The following GPLD1 variants were observed in gnomAD, a reference collection of about 807,000 sequenced individuals.
The protein encoded by GPLD1 is glycosylphosphatidylinositol specific phospholipase D1, also known as phosphatidylinositol-glycan-specific phospholipase D.
A neutral mutation model predicts 112.6 loss-of-function variants in GPLD1; 84 were observed. The observed-to-expected ratio is 0.75, with a 90% confidence interval of 0.63 to 0.89. The LOEUF is 0.89. Ranked by LOEUF, GPLD1 falls within the 40% of genes least tolerant of loss-of-function variation. The pLI is 0.00. For synonymous variants in GPLD1, 386 were observed against 403.8 expected, an observed-to-expected ratio of 0.96 and a Z score of 0.53; for missense variants, 1,044 against 1,051.5, an observed-to-expected ratio of 0.99 and a Z score of 0.10.
At chr6:24,486,660 T>C (rs1455531857) in intron 1 of GPLD1, among the ~76,000 whole-genome samples, 2 of 151,904 alleles carry the variant, frequency 1.3e-5, no homozygotes, top group African/African-American at 2.4e-5. Flanking sequence ...CTACTAAAAA[T>C]ACAAAAAATT....
intron 24 of GPLD1, 110 bp from the exon 25 acceptor site, chr6:24,429,228 C>T: frequency 1.7e-6 from 1 of 577,134 alleles, no homozygotes; most frequent in Non-Finnish European, 3.0e-6. Context: ...GAATAAGACA[C>T]TGGCCAGATC....
Position 24,476,267 on chromosome 6 carries a change from C to T in GPLD1, c.244G>A (p.Asp82Asn), listed in dbSNP as rs2127363469. 1 of 1,541,212 alleles carries T rather than the reference C, an allele frequency of 6.5e-7. No homozygotes were observed. The highest frequency in any genetic ancestry group is 1.4e-5 in the African/African-American group (1 of 73,434). ...GTCCAGTGAGTGCTCTCAGACACAT[C>T]ATGGAATTTTCCTGACAAAACAAAA... The part of the protein sequence containing the change: ...PSICKGGKFH[D>N]VSESTHWTPF... The change falls in exon 4 of 25, where the codon GAT becomes AAT. Residue 82 changes from aspartate to asparagine, a missense_variant. By Grantham distance (23) the Asp-to-Asn change is conservative. Transcript: ENST00000230036.
At chr6:24,493,379 G>A (rs1291497526), upstream of GPLD1, among the ~76,000 whole-genome samples, 7 of 152,202 alleles carry the variant, frequency 4.6e-5, no homozygotes, top group African/African-American at 1.7e-4. Flanking sequence ...GGGAGGCTGA[G>A]GCAGGAGAAT....
rs1291427263 is a variant in GPLD1, at chr6:24,480,004, G to T, written c.154-45C>A. On this transcript the variant is annotated intron_variant, in intron 2 of 24. Coordinates refer to ENST00000230036, the MANE Select transcript of GPLD1 (RefSeq NM_001503.4). The stretch of plus-strand genomic sequence containing the variant: ...AGAGATTAAGGGGCAGGAGTCAACA[G>T]CCTGGGGAGTATAGGCCCCACCAAT... The T allele has an allele frequency of 2.5e-6, 3 of 1,223,048 alleles. 1 individual carries two copies. Among genetic ancestry groups the T allele is most frequent in the South Asian group, 2.4e-5 (2 of 83,318 alleles). The allele number at this position is 1,223,048 out of a possible 1,614,324, so 75.8% of individuals were successfully genotyped here. A position where few individuals can be genotyped will look rare whatever the true frequency, so the allele number is the denominator to read the frequency against.
At position 24,428,985 on chromosome 6, in the gene GPLD1, A is replaced by T; in HGVS notation, c.*47T>A. The T allele has an allele frequency of 7.6e-7, 1 of 1,308,492 alleles. No homozygotes were observed. The highest frequency in any genetic ancestry group is 1.2e-5 in the South Asian group (1 of 80,838). 81.1% of individuals were successfully genotyped at this position (1,308,492 alleles called of 1,614,324 possible). A position where few individuals can be genotyped will look rare whatever the true frequency, so the allele number is the denominator to read the frequency against. Reference sequence around the variant, plus strand: ...CATCAAAATGCTCACCATGGATGTGATTCAGCATGAGAGAGGTGGGCAGAG... The same window carrying T: ...CATCAAAATGCTCACCATGGATGTGTTTCAGCATGAGAGAGGTGGGCAGAG... On this transcript the variant is annotated 3_prime_UTR_variant, in exon 25 of 25. Coordinates refer to ENST00000230036, the MANE Select transcript of GPLD1 (RefSeq NM_001503.4).
chr6:24,465,210 A>G (rs924573688), intron 10 of GPLD1, among the ~76,000 whole-genome samples: 4 of 100,202 alleles, frequency 4.0e-5, no homozygotes, highest in Non-Finnish European at 7.6e-5. Flanking sequence ...AAAAAAAAAA[A>G]AAAGAAAAGA....
chr6:24,462,398 G>A (rs1340700495), intron 11 of GPLD1, among the ~76,000 whole-genome samples: 5 of 152,098 alleles, frequency 3.3e-5, no homozygotes, highest in Admixed American at 6.6e-5. Context: ...GCCTCCCAGA[G>A]TGCTAGGATT....
At chr6:24,479,030 G>A (rs927041124) in intron 3 of GPLD1, among the ~76,000 whole-genome samples, 10 of 152,086 alleles carry the variant, frequency 6.6e-5, no homozygotes, top group African/African-American at 2.4e-4. Flanking sequence ...AATCCAAAGG[G>A]CATCAGCCTA....
Position 24,472,641 on chromosome 6 carries a change from G to A in GPLD1, c.491-5C>T, listed in dbSNP as rs1397289373. 3.2e-6 allele frequency: 5 copies of A among 1,557,022 alleles called. No homozygotes were observed. Among genetic ancestry groups the A allele is most frequent in the Non-Finnish European group, 4.4e-6 (5 of 1,128,658 alleles). ...ACTGGCTCAACACATCTCCTCCTAG[G>A]GTATGAGAAAAATATTGACATTTGG... is the stretch of plus-strand genomic sequence containing the variant. On this transcript the variant is annotated splice_region_variant and splice_polypyrimidine_tract_variant and intron_variant, in intron 6 of 24. Coordinates refer to ENST00000230036, the MANE Select transcript of GPLD1 (RefSeq NM_001503.4).
chr6:24,438,704 A>G (rs932585909), intron 20 of GPLD1, among the ~76,000 whole-genome samples: 3 of 152,266 alleles, frequency 2.0e-5, no homozygotes, highest in East Asian at 1.9e-4. Context: ...CTAAGAGAAC[A>G]ATGTGCCAGC....
At chr6:24,489,175 G>A (rs1328363182) in intron 1 of GPLD1, among the ~76,000 whole-genome samples, 1 of 152,042 alleles carries the variant, frequency 6.6e-6, no homozygotes, top group Non-Finnish European at 1.5e-5. Context: ...AACACACAGG[G>A]GTCCCATGAC....
In GPLD1 at chr6:24,430,232, C is replaced by G. The variant is rs192086645; in HGVS notation, c.2437-1114G>C. Among the ~76,000 whole-genome samples, 140 of 152,346 alleles carry G rather than the reference C, an allele frequency of 9.2e-4. 1 individual carries two copies. Among genetic ancestry groups the G allele is most frequent in the African/African-American group, 3.3e-3 (138 of 41,582 alleles). On this transcript the variant is annotated intron_variant, in intron 24 of 24. Transcript: ENST00000230036. ...TGGAATTACTCATTTACTAAATTTG[C>G]CTGGCCTTCGGCTTCACTCTGTTTT...
At chr6:24,431,610 C>T (rs140725799) in intron 24 of GPLD1, among the ~76,000 whole-genome samples, 16,956 of 150,966 alleles carry the variant, frequency 0.11, 1,287 homozygotes, top group East Asian at 0.15. Context: ...TCTAGGCTCA[C>T]GGCAACCTCC....
At chr6:24,478,507 TC>T (rs955504308) in intron 3 of GPLD1, among the ~76,000 whole-genome samples, 31 of 152,282 alleles carry the variant, frequency 2.0e-4, no homozygotes, top group African/African-American at 7.0e-4. Flanking sequence ...CCTCCATTTG[TC>T]CTTCCAGACC....
chr6:24,475,727 G>A (rs6907720), intron 4 of GPLD1, among the ~76,000 whole-genome samples: 8,950 of 150,484 alleles, frequency 0.059, 830 homozygotes, highest in African/African-American at 0.2. Flanking sequence ...GCGTGGTGGC[G>A]GGCGCCTGTA....
intron 11 of GPLD1, among the ~76,000 whole-genome samples, chr6:24,460,743 T>G (rs1387782091): frequency 6.7e-6 from 1 of 148,722 alleles, no homozygotes; most frequent in East Asian, 1.9e-4. Flanking sequence ...ATACTGATTT[T>G]TTTTTTTTTT....
At chr6:24,439,278 A>T (rs2127321692) in intron 20 of GPLD1, among the ~76,000 whole-genome samples, 1 of 152,200 alleles carries the variant, frequency 6.6e-6, no homozygotes, top group East Asian at 1.9e-4. Flanking sequence ...AGAATCTCAG[A>T]GAAGTCACCC....
intron 7 of GPLD1, among the ~76,000 whole-genome samples, chr6:24,469,247 A>T (rs1384764753): frequency 8.1e-5 from 12 of 147,564 alleles, no homozygotes; most frequent in Non-Finnish European, 1.6e-4. Flanking sequence ...AGAACTAGAA[A>T]TACCATTTGA....
intron 7 of GPLD1, among the ~76,000 whole-genome samples, chr6:24,469,857 G>A (rs995680250): frequency 9.2e-5 from 14 of 151,954 alleles, no homozygotes; most frequent in South Asian, 4.2e-4. Flanking sequence ...CTTTTAGTAG[G>A]TAAAAGAAAG....
Sources: allele counts gnomAD v4.1 joint callset (sites outside exome capture counted in the v4.1 genomes callset), GRCh38; gene constraint gnomAD v4.1.1; transcripts MANE v1.5; gene names NCBI Gene and HGNC (gene_info 2026-07-23, HGNC 2026-07-21).